BACE1: variants seen among roughly 807,000 people sequenced by gnomAD.
The protein encoded by BACE1 is beta-secretase 1.
A neutral mutation model predicts 54.0 loss-of-function variants in BACE1; 21 were observed. That is an observed-to-expected ratio of 0.39 (90% CI 0.28 to 0.56). The LOEUF is 0.56. Ranked by LOEUF, BACE1 falls within the 20% of genes least tolerant of loss-of-function variation. The pLI, the probability that BACE1 is intolerant of heterozygous loss-of-function variation, is 0.63. For missense variants in BACE1, 511 were observed against 661.2 expected, an observed-to-expected ratio of 0.77 and a Z score of 2.49; for synonymous variants, 232 against 260.9, an observed-to-expected ratio of 0.89 and a Z score of 1.07.
At chr11:117,312,190 C>CA (rs1344613443) in intron 1 of BACE1, among the ~76,000 whole-genome samples, 5 of 152,130 alleles carry the variant, frequency 3.3e-5, no homozygotes, top group Non-Finnish European at 7.3e-5. Context: ...TAAGCCCTAA[C>CA]ATCCATAACT....
chr11:117,299,210 A>T (rs1253984877), intron 1 of BACE1, among the ~76,000 whole-genome samples: 1 of 152,194 alleles, frequency 6.6e-6, no homozygotes, highest in African/African-American at 2.4e-5. Flanking sequence ...AGGCAAAAAA[A>T]GGAAAGGCCC....
At chr11:117,291,366 G>A (rs1050432058) in intron 6 of BACE1, among the ~76,000 whole-genome samples, 3 of 150,616 alleles carry the variant, frequency 2.0e-5, no homozygotes, top group East Asian at 4.0e-4. Context: ...AACCTCCACC[G>A]TCCTGAGTTA....
chr11:117,295,952 G>A (rs1026718013), intron 2 of BACE1, among the ~76,000 whole-genome samples: 1 of 152,204 alleles, frequency 6.6e-6, no homozygotes, highest in African/African-American at 2.4e-5. Flanking sequence ...TGTGGTGGGG[G>A]CAGTGATGGA....
chr11:117,293,036 C>G lies in BACE1; in HGVS notation c.840+18G>C. On this transcript the variant is annotated intron_variant, in intron 5 of 8. Coordinates refer to ENST00000313005, the MANE Select transcript of BACE1 (RefSeq NM_012104.6). This position sits in a 1 kb window ranked among gnomAD's most constrained non-coding sequence, Gnocchi z 4.1. ...GCCTACCCCCTTATGTTCCCAGGCT[C>G]TCCCTTGGTTTTCTTACCTCCTTGC... 6.2e-7 allele frequency: 1 copy of G among 1,613,124 alleles called. No homozygotes were observed. Among genetic ancestry groups the G allele is most frequent in the Non-Finnish European group, 8.5e-7 (1 of 1,179,544 alleles).
intron 1 of BACE1, among the ~76,000 whole-genome samples, chr11:117,305,510 C>T (rs1413686951): frequency 6.6e-6 from 1 of 151,976 alleles, no homozygotes; most frequent in Admixed American, 6.6e-5. Context: ...AAGCAGGCTC[C>T]CTGGCGCCAC....
chr11:117,290,803 T>C (rs907804275), intron 7 of BACE1, 97 bp downstream of exon 7: 18 of 1,554,840 alleles, frequency 1.2e-5, no homozygotes, highest in African/African-American at 2.7e-5. Context: ...ACACTACTCA[T>C]CTGTTTTGTC....
At chr11:117,308,540 T>C (rs1054324667) in intron 1 of BACE1, among the ~76,000 whole-genome samples, 6 of 152,202 alleles carry the variant, frequency 3.9e-5, no homozygotes, top group African/African-American at 1.4e-4. Flanking sequence ...CAGAATCACT[T>C]TGGACAAGAC....
At chr11:117,296,985 A>G in intron 1 of BACE1, 24 bp from the exon 2 acceptor site, 5 of 1,568,028 alleles carry the variant, frequency 3.2e-6, no homozygotes, top group African/African-American at 1.3e-5. Flanking sequence ...GGGAGAGAAA[A>G]GACAGTATAG....
At chr11:117,309,846 C>T (rs1473768729) in intron 1 of BACE1, among the ~76,000 whole-genome samples, 1 of 152,152 alleles carries the variant, frequency 6.6e-6, no homozygotes, top group Non-Finnish European at 1.5e-5. Context: ...CTAACAGTTA[C>T]CTTATTATCC....
rs770714370 is a variant in BACE1, at chr11:117,295,239, G to A, written c.459C>T (p.Asn153=). Reference sequence around the variant, plus strand: ...CAGCAATGTTGGCACGCACAGTGACGTTGGGGCCATGGGGGATGCTTACCA... The same window carrying A: ...CAGCAATGTTGGCACGCACAGTGACATTGGGGCCATGGGGGATGCTTACCA... ...TDLVSIPHGP[N]VTVRANIAAI... The change falls in exon 3 of 9, where the codon AAC becomes AAT. Residue 153 remains asparagine, a synonymous_variant. Transcript: ENST00000313005. The A allele has an allele frequency of 9.3e-6, 15 of 1,614,086 alleles. No homozygotes were observed. Among genetic ancestry groups the A allele is most frequent in the Non-Finnish European group, 1.2e-5 (14 of 1,180,052 alleles).
Position 117,286,609 on chromosome 11 carries a change from A to G in BACE1, c.*2957T>C, listed in dbSNP as rs28989512. The G allele has an allele frequency of 5.9e-5, 9 of 152,566 alleles. No homozygotes were observed. The highest frequency in any genetic ancestry group is 1.2e-4 in the Non-Finnish European group (8 of 68,030). 9.5% of individuals were successfully genotyped at this position (152,566 alleles called of 1,614,324 possible). Reference sequence around the variant, plus strand: ...TTTTCCTTTCAGACCCAACTAAATGATCTCCTTTCTGCCTTTGATACTCTT... The same window carrying G: ...TTTTCCTTTCAGACCCAACTAAATGGTCTCCTTTCTGCCTTTGATACTCTT... On this transcript the variant is annotated 3_prime_UTR_variant, in exon 9 of 9. Transcript: ENST00000313005.
chr11:117,308,549 A>C (rs1467485444), intron 1 of BACE1, among the ~76,000 whole-genome samples: 1 of 152,214 alleles, frequency 6.6e-6, no homozygotes, highest in Non-Finnish European at 1.5e-5. Flanking sequence ...TTTGGACAAG[A>C]CACTTAGTCT....
intron 1 of BACE1, among the ~76,000 whole-genome samples, chr11:117,312,674 G>C (rs745993363): frequency 5.3e-5 from 8 of 152,112 alleles, no homozygotes; most frequent in Non-Finnish European, 1.2e-4. Flanking sequence ...CGTTGGCCAG[G>C]CTGGTCGCGA....
At chr11:117,292,949 G>T in intron 5 of BACE1, 105 bp downstream of exon 5, 2 of 1,365,954 alleles carry the variant, frequency 1.5e-6, no homozygotes, top group Non-Finnish European at 2.0e-6. Flanking sequence ...CTTTCTGCAG[G>T]TCCTATTACC....
chr11:117,302,572 G>A (rs138180331), intron 1 of BACE1, among the ~76,000 whole-genome samples: 103 of 152,036 alleles, frequency 6.8e-4, no homozygotes, highest in African/African-American at 2.3e-3. Context: ...AGAGAGACCA[G>A]GTTATATTTT....
chr11:117,313,489 C>T (rs1183337139), intron 1 of BACE1, among the ~76,000 whole-genome samples: 1 of 152,192 alleles, frequency 6.6e-6, no homozygotes, highest in Admixed American at 6.5e-5. Flanking sequence ...GGCTGGAGGG[C>T]AATGGTGCGA....
chr11:117,289,572 C>T lies in BACE1; in HGVS notation c.1500G>A (p.Leu500=). The T allele has an allele frequency of 6.2e-7, 1 of 1,614,148 alleles. No homozygotes were observed. Among genetic ancestry groups the T allele is most frequent in the South Asian group, 1.1e-5 (1 of 91,052 alleles). The change falls in exon 9 of 9, where the codon CTG becomes CTA. Residue 500 remains leucine, a synonymous_variant. Transcript: ENST00000313005. ...CTTCTGCCCATGGGCCTCCTCACTT[C>T]AGCAGGGAGATGTCATCAGCAAAGT... ...HDDFADDISL[L]K
Position 117,293,731 on chromosome 11 carries a change from T to G in BACE1, c.705+140A>C. ...AAAAGAAAAGAATGGAAAAATAAAGTAAGGGTAGGGAATATAAAGAGGTTC... is the reference window on the plus strand; with the variant it reads ...AAAAGAAAAGAATGGAAAAATAAAGGAAGGGTAGGGAATATAAAGAGGTTC... On this transcript the variant is annotated intron_variant, in intron 4 of 8. Transcript: ENST00000313005. This position sits in a 1 kb window ranked among gnomAD's most constrained non-coding sequence, Gnocchi z 4.1. 1 of 798,026 alleles carries G rather than the reference T, an allele frequency of 1.3e-6. No homozygotes were observed. Among genetic ancestry groups the G allele is most frequent in the Non-Finnish European group, 1.8e-6 (1 of 568,330 alleles). The allele number at this position is 798,026 out of a possible 1,614,324, so 49.4% of individuals were successfully genotyped here.
rs779376245 is a variant in BACE1 at position 117,295,683 on chromosome 11, C to T, written c.351-336G>A. 767 of 1,507,230 alleles carry T rather than the reference C, an allele frequency of 5.1e-4. 1 individual carries two copies. The highest frequency in any genetic ancestry group is 6.5e-4 in the Non-Finnish European group (729 of 1,130,196). The allele number at this position is 1,507,230 out of a possible 1,614,324, so 93.4% of individuals were successfully genotyped here. A position where few individuals can be genotyped will look rare whatever the true frequency, so the allele number is the denominator to read the frequency against. ...AGGGACAGCTAGTGGGCATCTCTTCCGCCCTCTGGCTCCGTCAAGCTCCCC... is the reference window on the plus strand; with the variant it reads ...AGGGACAGCTAGTGGGCATCTCTTCTGCCCTCTGGCTCCGTCAAGCTCCCC... On this transcript the variant is annotated intron_variant, in intron 2 of 8. Coordinates refer to ENST00000313005, the MANE Select transcript of BACE1 (RefSeq NM_012104.6).
Sources: gnomAD v4.1 joint callset for allele counts (sites outside exome capture counted in the v4.1 genomes callset) on GRCh38, gnomAD v4.1.1 for gene constraint, Gnocchi (gnomAD v3.1) non-coding constraint, MANE v1.5 for transcripts, NCBI Gene and HGNC (gene_info 2026-07-23, HGNC 2026-07-21) for gene names.